Variants in C8B observed in about 807,000 individuals in gnomAD.
C8B encodes the protein complement C8 beta chain.
C8B carries 67 observed loss-of-function variants against 64.6 expected under a neutral mutation model. The observed-to-expected ratio is 1.04, with a 90% CI of 0.85 to 1.27. The LOEUF is 1.27. C8B is among the 50% of genes most tolerant of loss of function. The probability of loss-of-function intolerance (pLI) is 0.00; values close to 1 mark genes in which losing one functional copy is unlikely to be tolerated. For missense variants in C8B, 790 were observed against 725.2 expected (o/e 1.09, Z -1.03); for synonymous variants, 284 against 257.7 (o/e 1.10, Z -0.98).
intron 5 of C8B, among the ~76,000 whole-genome samples, chr1:56,950,906 G>T (rs2101429271): frequency 6.6e-6 from 1 of 152,270 alleles, no homozygotes; most frequent in South Asian, 2.1e-4. Context: ...CTTGCACCTG[G>T]ATGGTAATGG....
intron 5 of C8B, 129 bp downstream of exon 5, chr1:56,951,919 C>T: frequency 2.0e-6 from 2 of 989,524 alleles, no homozygotes; most frequent in Non-Finnish European, 1.6e-6. Flanking sequence ...AAGGAACTGC[C>T]CATTTTCACA....
intron 5 of C8B, among the ~76,000 whole-genome samples, chr1:56,951,677 C>G (rs1645022612): frequency 6.6e-6 from 1 of 152,208 alleles, no homozygotes; most frequent in Non-Finnish European, 1.5e-5. Context: ...CCTCTCCCTG[C>G]AGGGTAGGAC....
intron 9 of C8B, among the ~76,000 whole-genome samples, chr1:56,935,536 C>T (rs1300276911): frequency 6.6e-6 from 1 of 152,188 alleles, no homozygotes; most frequent in Non-Finnish European, 1.5e-5. Context: ...TGAGCACCGA[C>T]TAAACTCTAC....
Position 56,931,639 on chromosome 1 carries a change from AATCC to A in C8B, c.1621+167_1621+170del, listed in dbSNP as rs976002836. 47 of 621,112 alleles carry A rather than the reference AATCC, an allele frequency of 7.6e-5. No homozygotes were observed. The African/African-American group carries it at 8.0e-4, about 11-fold the overall frequency. The allele number at this position is 621,112 out of a possible 1,614,324, so 38.5% of individuals were successfully genotyped here. A position where few individuals can be genotyped will look rare whatever the true frequency, so the allele number is the denominator to read the frequency against. ...AAAAATAATGAAATGCATAACAATC[AATCC>A]ATCAGTTATTAAATGATGGAGATGG... On this transcript the variant is annotated intron_variant, in intron 11 of 11. Coordinates refer to ENST00000371237, the MANE Select transcript of C8B (RefSeq NM_000066.4).
chr1:56,947,242 C>T (rs961936990), intron 6 of C8B, among the ~76,000 whole-genome samples: 1 of 152,146 alleles, frequency 6.6e-6, no homozygotes, highest in African/African-American at 2.4e-5. Flanking sequence ...ATAAAATCAG[C>T]TCCCCTACTC....
chr1:56,933,980 T>C (rs1644739789), intron 9 of C8B, among the ~76,000 whole-genome samples: 1 of 152,094 alleles, frequency 6.6e-6, no homozygotes, highest in African/African-American at 2.4e-5. Context: ...TCCAAACCTA[T>C]CAAAATCATT....
At chr1:56,939,788 C>T (rs1458004963) in intron 9 of C8B, among the ~76,000 whole-genome samples, 1 of 152,192 alleles carries the variant, frequency 6.6e-6, no homozygotes, top group Non-Finnish European at 1.5e-5. Flanking sequence ...TTTGTTTGAA[C>T]CGAATAGACT....
Position 56,958,830 on chromosome 1 carries a change from C to T in C8B, c.249+1190G>A, listed in dbSNP as rs190971126. 1.1e-4 allele frequency among the ~76,000 whole-genome samples: 17 copies of T among 152,312 alleles called. 1 individual carries two copies. In the South Asian group the frequency reaches 2.5e-3, roughly 22 times the overall value. ...TCCACCTTGGCTCTCTCCATTGATC[C>T]AATTAACTGGGTGATTGTCCTGGGC... On this transcript the variant is annotated intron_variant, in intron 2 of 11. Coordinates refer to ENST00000371237, the MANE Select transcript of C8B (RefSeq NM_000066.4).
chr1:56,952,644 T>C (rs969967645), intron 4 of C8B, among the ~76,000 whole-genome samples: 3 of 152,048 alleles, frequency 2.0e-5, no homozygotes, highest in African/African-American at 7.3e-5. Flanking sequence ...CTTGCGAGAG[T>C]TGGGTAGCAT....
intron 1 of C8B, among the ~76,000 whole-genome samples, chr1:56,962,816 G>A (rs1341613767): frequency 6.6e-6 from 1 of 152,154 alleles, no homozygotes; most frequent in Admixed American, 6.5e-5. Context: ...ATAATTTGAT[G>A]TCTATACACT....
chr1:56,959,384 A>C (rs1430641289), intron 2 of C8B: 8 of 631,494 alleles, frequency 1.3e-5, no homozygotes, highest in African/African-American at 9.1e-5. Flanking sequence ...GGAGCTATCG[A>C]AGCTCATAAA....
chr1:56,934,239 G>C (rs1039806612), intron 9 of C8B, among the ~76,000 whole-genome samples: 2 of 151,720 alleles, frequency 1.3e-5, no homozygotes, highest in African/African-American at 4.8e-5. Context: ...TGTTTCGAGG[G>C]TCCAGCCCCC....
intron 11 of C8B, 75 bp from the exon 12 acceptor site, chr1:56,929,633 A>G (rs1387146403): frequency 6.9e-7 from 1 of 1,447,338 alleles, no homozygotes; most frequent in Admixed American, 1.7e-5. Context: ...TGGGTGAGCT[A>G]TGTAAGCCAA....
intron 9 of C8B, among the ~76,000 whole-genome samples, chr1:56,935,001 G>A (rs767329384): frequency 1.3e-5 from 2 of 152,168 alleles, no homozygotes; most frequent in Non-Finnish European, 2.9e-5. Context: ...TGTCCTGGGA[G>A]CTGTGTGGAG....
chr1:56,956,824 G>A lies in C8B; in HGVS notation c.336C>T (p.Thr112=). Residue 112 remains threonine (T), a synonymous_variant, in exon 3 of 12, where the codon ACC becomes ACT. Coordinates refer to ENST00000371237, the MANE Select transcript of C8B (RefSeq NM_000066.4). ...FSDKEVEDCV[T]NRPCGSQVRC... Reference sequence around the variant, plus strand: ...GCACTTGACTTCCGCATGGTCTGTTGGTAACACAGTCTTCGACTTCCTTGT... The same window carrying A: ...GCACTTGACTTCCGCATGGTCTGTTAGTAACACAGTCTTCGACTTCCTTGT... 1 of 1,614,040 alleles carries A rather than the reference G, an allele frequency of 6.2e-7. No homozygotes were observed. Among genetic ancestry groups the A allele is most frequent in the African/African-American group, 1.3e-5 (1 of 75,010 alleles).
At chr1:56,952,628 A>G (rs1645039508) in intron 4 of C8B, among the ~76,000 whole-genome samples, 1 of 152,184 alleles carries the variant, frequency 6.6e-6, no homozygotes, top group South Asian at 2.1e-4. Context: ...GTATTACTAC[A>G]GTTGCCTTGC....
intron 9 of C8B, among the ~76,000 whole-genome samples, chr1:56,934,333 T>C (rs1299552139): frequency 6.6e-6 from 1 of 151,676 alleles, no homozygotes; most frequent in East Asian, 1.9e-4. Context: ...GATGAGAGGG[T>C]TTGGCTGTCA....
chr1:56,955,523 G>C (rs573627530), intron 3 of C8B, among the ~76,000 whole-genome samples: 1 of 152,284 alleles, frequency 6.6e-6, no homozygotes, highest in South Asian at 2.1e-4. Context: ...AAGACAGGTA[G>C]TCCTATTTCC....
Position 56,946,056 on chromosome 1 carries a change from G to A in C8B, c.870C>T (p.Ser290=), listed in dbSNP as rs771744350. The change falls in exon 7 of 12, where the codon AGC becomes AGT. Residue 290 remains serine (S), a synonymous_variant. Coordinates refer to ENST00000371237, the MANE Select transcript of C8B (RefSeq NM_000066.4). Reference sequence around the variant, plus strand: ...GGTCAGAGCGTGCATGCAGAAATACGCTTTTCTAAATGAAATACCAACATG... The same window carrying A: ...GGTCAGAGCGTGCATGCAGAAATACACTTTTCTAAATGAAATACCAACATG... ...RRTKRFSHTK[S]VFLHARSDLE... The A allele has an allele frequency of 9.3e-6, 15 of 1,613,922 alleles. No homozygotes were observed. The highest frequency in any genetic ancestry group is 5.3e-5 in the African/African-American group (4 of 74,912).
Sources: allele counts gnomAD v4.1 joint callset (sites outside exome capture counted in the v4.1 genomes callset), GRCh38; gene constraint gnomAD v4.1.1; transcripts MANE v1.5; gene names NCBI Gene and HGNC (gene_info 2026-07-23, HGNC 2026-07-21).